Variants in ATP5MC3 observed in about 807,000 individuals in gnomAD.
The protein encoded by ATP5MC3 is ATP synthase membrane subunit c locus 3, also known as ATP synthase F(0) complex subunit C3, mitochondrial.
Under a neutral mutation model 15.6 loss-of-function variants are expected in ATP5MC3, and 6 were observed. That is an observed-to-expected ratio of 0.38 (90% CI 0.21 to 0.76). ATP5MC3 has a LOEUF of 0.76. ATP5MC3 is among the 30% of genes least tolerant of loss of function. The pLI is 0.44. For missense variants in ATP5MC3, 132 were observed against 171.2 expected (o/e 0.77, Z 1.28); for synonymous variants, 66 against 63.3 (o/e 1.04, Z -0.20).
chr2:175,181,438 G>GAGA lies in ATP5MC3; in HGVS notation c.-46_-45insTCT, dbSNP rs1700770555. The GAGA allele has an allele frequency of 5.0e-6, 8 of 1,610,372 alleles. No individual in the cohort carries two copies. The highest frequency in any genetic ancestry group is 6.8e-6 in the Non-Finnish European group (8 of 1,178,172). The stretch of plus-strand genomic sequence containing the variant: ...CGCGGCTGGAGATATTGGGTGACAG[G>GAGA]CGACGTGGGCTCCTCTCCCGCTTCC... On this transcript the variant is annotated 5_prime_UTR_variant, in exon 2 of 5. Transcript: ENST00000284727.
At position 175,178,029 on chromosome 2, in the gene ATP5MC3, T is replaced by C. The variant is rs1483471457; in HGVS notation, c.*259A>G. 1.4e-5 allele frequency: 5 copies of C among 353,376 alleles called. No homozygotes were observed. Among genetic ancestry groups the C allele is most frequent in the Non-Finnish European group, 2.3e-5 (5 of 214,846 alleles). The allele number at this position is 353,376 out of a possible 1,614,324, so 21.9% of individuals were successfully genotyped here. On this transcript the variant is annotated 3_prime_UTR_variant, in exon 5 of 5. Coordinates refer to ENST00000284727, the MANE Select transcript of ATP5MC3 (RefSeq NM_001689.5). ...TCCCATAAAAATTACATTGGAATAT[T>C]TTTCATCAGTGGAGCAACTGCTGTA...
Position 175,180,249 on chromosome 2 carries a change from G to A in ATP5MC3, c.40-71C>T, listed in dbSNP as rs893230811. On this transcript the variant is annotated intron_variant, in intron 2 of 4. Transcript: ENST00000284727. ...CAGGTAAGACTTCAATGACTTTTCT[G>A]GTACCATGAATTCTAAAAAAGCAAG... 37 of 1,179,072 alleles carry A rather than the reference G, an allele frequency of 3.1e-5. 1 individual carries two copies. Among genetic ancestry groups the A allele is most frequent in the East Asian group, 8.5e-5 (3 of 35,326 alleles). 73.0% of individuals were successfully genotyped at this position (1,179,072 alleles called of 1,614,324 possible).
In ATP5MC3 at chr2:175,179,230, C is replaced by T; in HGVS notation, c.141G>A (p.Gly47=). The change falls in exon 4 of 5, where the codon GGG becomes GGA. Residue 47 remains glycine (G), a synonymous_variant. Coordinates refer to ENST00000284727, the MANE Select transcript of ATP5MC3 (RefSeq NM_001689.5). ...RTGEGSTVFN[G]AQNGVSQLIQ... is the part of the protein sequence containing the mutation. ...TTAGCTGAGACACACCATTCTGGGC[C>T]CCATTAAATACCGTAGAGCCCTGGA... The T allele has an allele frequency of 6.2e-7, 1 of 1,613,746 alleles. No individual in the cohort carries two copies. Among genetic ancestry groups the T allele is most frequent in the Non-Finnish European group, 8.5e-7 (1 of 1,179,752 alleles).
Position 175,181,446 on chromosome 2 carries a change from G to T in ATP5MC3, c.-53C>A. 6.2e-7 allele frequency: 1 copy of T among 1,607,344 alleles called. No individual in the cohort carries two copies. The highest frequency in any genetic ancestry group is 8.5e-7 in the Non-Finnish European group (1 of 1,175,960). ...GAGATATTGGGTGACAGGCGACGTG[G>T]GCTCCTCTCCCGCTTCCTCTCTGCG... On this transcript the variant is annotated 5_prime_UTR_variant, in exon 2 of 5. Transcript: ENST00000284727.
Position 175,181,423 on chromosome 2 carries a change from G to C in ATP5MC3, c.-30C>G. On this transcript the variant is annotated 5_prime_UTR_variant, in exon 2 of 5. In the 5' UTR this introduces an upstream ATG that the reference lacks. Coordinates refer to ENST00000284727, the MANE Select transcript of ATP5MC3 (RefSeq NM_001689.5). ...CACTCTTCGGGACTGCGCGGCTGGA[G>C]ATATTGGGTGACAGGCGACGTGGGC... The C allele has an allele frequency of 6.2e-7, 1 of 1,612,790 alleles. No individual in the cohort carries two copies.
intron 3 of ATP5MC3, 114 bp downstream of exon 3, chr2:175,179,984 G>T: frequency 1.2e-6 from 1 of 860,596 alleles, no homozygotes; most frequent in Non-Finnish European, 1.7e-6. Flanking sequence ...TGGATAAAAG[G>T]GTGGGAAAGA....
Position 175,181,635 on chromosome 2 carries a change from C to T in ATP5MC3, c.-74+21G>A, listed in dbSNP as rs147943553. The T allele has an allele frequency of 6.2e-5, 33 of 528,208 alleles. 1 individual carries two copies. Among genetic ancestry groups the T allele is most frequent in the Non-Finnish European group, 1.0e-4 (30 of 300,892 alleles). The allele number at this position is 528,208 out of a possible 1,614,324, so 32.7% of individuals were successfully genotyped here. A position where few individuals can be genotyped will look rare whatever the true frequency, so the allele number is the denominator to read the frequency against. ...GCCGCTCCGCCCTGGCCAGGCCGGG[C>T]TCCCTGTGCCCTCCACTTACCTTCC... On this transcript the variant is annotated intron_variant, in intron 1 of 4. Coordinates refer to ENST00000284727, the MANE Select transcript of ATP5MC3 (RefSeq NM_001689.5).
intron 4 of ATP5MC3, 132 bp downstream of exon 4, chr2:175,178,914 AGTGAGATAATG>A: frequency 7.6e-7 from 1 of 1,314,092 alleles, no homozygotes; most frequent in African/African-American, 1.5e-5. Flanking sequence ...ATGAGAATTA[AGTGAGATAATG>A]CATACAAAGC....
chr2:175,180,876 T>C (rs990429506), intron 2 of ATP5MC3, among the ~76,000 whole-genome samples: 7 of 152,314 alleles, frequency 4.6e-5, no homozygotes, highest in Admixed American at 4.6e-4. Flanking sequence ...AGAAAGACTT[T>C]GGGCTCGTTC....
intron 3 of ATP5MC3, 32 bp from the exon 4 acceptor site, chr2:175,179,282 A>G: frequency 6.4e-7 from 1 of 1,568,810 alleles, no homozygotes; most frequent in Non-Finnish European, 8.7e-7. Context: ...TAAAGGTCGT[A>G]TCAGTAACCA....
At position 175,178,413 on chromosome 2, in the gene ATP5MC3, C is replaced by G; in HGVS notation, c.315-11G>C. The stretch of plus-strand genomic sequence containing the variant: ...TTCAGCGAAGGGTTTCTAAAAGAGA[C>G]CACATATGACTGTTACTTTGAAATA... On this transcript the variant is annotated splice_polypyrimidine_tract_variant and intron_variant, in intron 4 of 4. Transcript: ENST00000284727. The G allele has an allele frequency of 6.3e-7, 1 of 1,582,436 alleles. No homozygotes were observed. The highest frequency in any genetic ancestry group is 2.2e-5 in the East Asian group (1 of 44,448).
At chr2:175,179,984 G>A in intron 3 of ATP5MC3, 114 bp downstream of exon 3, 1 of 860,596 alleles carries the variant, frequency 1.2e-6, no homozygotes, top group Non-Finnish European at 1.7e-6. Context: ...TGGATAAAAG[G>A]GTGGGAAAGA....
intron 3 of ATP5MC3, among the ~76,000 whole-genome samples, 157 bp from the exon 4 acceptor site, chr2:175,179,407 C>T (rs1340840853): frequency 6.6e-6 from 1 of 152,136 alleles, no homozygotes; most frequent in Non-Finnish European, 1.5e-5. Flanking sequence ...TCTTGTGTAA[C>T]AGGGATAACA....
At chr2:175,179,958 G>T in intron 3 of ATP5MC3, 140 bp downstream of exon 3, 1 of 656,388 alleles carries the variant, frequency 1.5e-6, no homozygotes, top group Non-Finnish European at 2.4e-6. Flanking sequence ...TTGGCTATTT[G>T]GCTCATCTAG....
At chr2:175,178,624 T>G (rs999880859) in intron 4 of ATP5MC3, 7 of 1,272,420 alleles carry the variant, frequency 5.5e-6, no homozygotes, top group Admixed American at 3.9e-5. Context: ...TTTCATTCAT[T>G]TTGATGGGTT....
At position 175,180,195 on chromosome 2, in the gene ATP5MC3, A is replaced by G; in HGVS notation, c.40-17T>C. 1 of 1,552,698 alleles carries G rather than the reference A, an allele frequency of 6.4e-7. No homozygotes were observed. Among genetic ancestry groups the G allele is most frequent in the Non-Finnish European group, 8.6e-7 (1 of 1,158,576 alleles). On this transcript the variant is annotated splice_polypyrimidine_tract_variant and intron_variant, in intron 2 of 4. Coordinates refer to ENST00000284727, the MANE Select transcript of ATP5MC3 (RefSeq NM_001689.5). ...AGCTCGGATCTATTAATGAAAAAAA[A>G]ATAAAGATTTCAATATTAAGAAAGA...
chr2:175,178,040 G>A lies in ATP5MC3; in HGVS notation c.*248C>T. The A allele has an allele frequency of 2.3e-6, 1 of 431,306 alleles. No individual in the cohort carries two copies. The highest frequency in any genetic ancestry group is 3.6e-6 in the Non-Finnish European group (1 of 276,172). 26.7% of individuals were successfully genotyped at this position (431,306 alleles called of 1,614,324 possible). On this transcript the variant is annotated 3_prime_UTR_variant, in exon 5 of 5. Transcript: ENST00000284727. ...TTACATTGGAATATTTTTCATCAGT[G>A]GAGCAACTGCTGTAGCTTCCTCTGA...
intron 2 of ATP5MC3, 81 bp downstream of exon 2, chr2:175,181,272 AAG>A: frequency 6.6e-7 from 1 of 1,510,500 alleles, no homozygotes; most frequent in Non-Finnish European, 9.0e-7. Flanking sequence ...GCCCCGCCCG[AAG>A]GTTGCCCCAT....
rs1049765141 is a variant in ATP5MC3, at chr2:175,177,276, T to C, written c.*1012A>G. 6.6e-6 allele frequency: 1 copy of C among 152,166 alleles called. No individual in the cohort carries two copies. The highest frequency in any genetic ancestry group is 2.1e-4 in the South Asian group (1 of 4,832). 9.4% of individuals were successfully genotyped at this position (152,166 alleles called of 1,614,324 possible). On this transcript the variant is annotated 3_prime_UTR_variant, in exon 5 of 5. Coordinates refer to ENST00000284727, the MANE Select transcript of ATP5MC3 (RefSeq NM_001689.5). ...CTTGAGGAACTTTGGTGACTGCTCT[T>C]TCTCAATGGAAATCAAACAGGCAAA...
Sources: gnomAD v4.1 joint callset for allele counts (sites outside exome capture counted in the v4.1 genomes callset) on GRCh38, gnomAD v4.1.1 for gene constraint, MANE v1.5 for transcripts, NCBI Gene and HGNC (gene_info 2026-07-23, HGNC 2026-07-21) for gene names.